The following AHCYL1 variants were observed in gnomAD, a reference collection of about 807,000 sequenced individuals.
The protein encoded by AHCYL1 is S-adenosylhomocysteine hydrolase-like protein 1.
Under a neutral mutation model 79.3 loss-of-function variants are expected in AHCYL1, and 20 were observed. The observed-to-expected ratio is 0.25, with a 90% confidence interval of 0.18 to 0.37. The LOEUF is 0.37. Among genes scored for constraint, AHCYL1 ranks in the 10% least tolerant of loss-of-function variants. The pLI, the probability that AHCYL1 is intolerant of heterozygous loss-of-function variation, is 1.00. For missense variants in AHCYL1, 330 were observed against 673.6 expected (o/e 0.49, Z 5.65); for synonymous variants, 223 against 242.2 (o/e 0.92, Z 0.74).
chr1:109,998,965 A>C (rs1172151152), intron 1 of AHCYL1, among the ~76,000 whole-genome samples: 1 of 152,146 alleles, frequency 6.6e-6, no homozygotes, highest in African/African-American at 2.4e-5. Flanking sequence ...TAGCTAGGGC[A>C]ACATAGTGAA....
At chr1:110,019,806 A>G (rs1326393908) in intron 15 of AHCYL1, among the ~76,000 whole-genome samples, 180 bp downstream of exon 15, 5 of 152,240 alleles carry the variant, frequency 3.3e-5, no homozygotes, top group African/African-American at 7.2e-5. Flanking sequence ...GTAAAATGAA[A>G]ATAATACTAC....
chr1:109,988,021 A>G (rs981725363), intron 1 of AHCYL1, among the ~76,000 whole-genome samples: 5 of 152,230 alleles, frequency 3.3e-5, no homozygotes, highest in Non-Finnish European at 5.9e-5. Flanking sequence ...CACAGAACAT[A>G]TATGTGATAT....
At position 109,984,960 on chromosome 1, in the gene AHCYL1, G is replaced by T. The variant is rs1198100365; in HGVS notation, c.-93G>T. On this transcript the variant is annotated 5_prime_UTR_variant, in exon 1 of 17. Coordinates refer to ENST00000369799, the MANE Select transcript of AHCYL1 (RefSeq NM_006621.7). ...GGCCGGCAGGAGGGTGGGCGATCGC[G>T]TGTCGGAGGGCGCCGCGCGGGCAGG... is the stretch of plus-strand genomic sequence containing the variant. 2.2e-6 allele frequency: 3 copies of T among 1,356,274 alleles called. No individual in the cohort carries two copies. Among genetic ancestry groups the T allele is most frequent in the East Asian group, 6.3e-5 (2 of 31,866 alleles). 84.0% of individuals were successfully genotyped at this position (1,356,274 alleles called of 1,614,324 possible). A position where few individuals can be genotyped will look rare whatever the true frequency, so the allele number is the denominator to read the frequency against.
chr1:109,998,498 G>A (rs987316125), intron 1 of AHCYL1, among the ~76,000 whole-genome samples: 8 of 151,962 alleles, frequency 5.3e-5, no homozygotes, highest in Non-Finnish European at 8.8e-5. Context: ...ATTTTTTTGA[G>A]ACGGAGTTTC....
chr1:110,015,154 G>A (rs1273817707), intron 6 of AHCYL1, among the ~76,000 whole-genome samples: 1 of 152,054 alleles, frequency 6.6e-6, no homozygotes, highest in East Asian at 1.9e-4. Flanking sequence ...CATTCAAAGG[G>A]GCTATATATT....
intron 1 of AHCYL1, 125 bp downstream of exon 1, chr1:109,985,297 G>T (rs950135145): frequency 8.5e-6 from 12 of 1,415,940 alleles, no homozygotes; most frequent in Non-Finnish European, 1.1e-5. Flanking sequence ...GGTGATGTAG[G>T]GGGTGGCGGC....
intron 1 of AHCYL1, among the ~76,000 whole-genome samples, chr1:109,993,913 C>T (rs150200563): frequency 2.8e-4 from 42 of 152,260 alleles, no homozygotes; most frequent in African/African-American, 1.0e-3. Context: ...TGGGGATTAG[C>T]GATGAGTTGA....
In AHCYL1 at chr1:109,986,564, A is replaced by G. The variant is rs117525659; in HGVS notation, c.120+1392A>G. Among the ~76,000 whole-genome samples, 126 of 152,318 alleles carry G rather than the reference A, an allele frequency of 8.3e-4. 2 individuals carry two copies. The East Asian group carries it at 0.024, about 29-fold the overall frequency. ...GCAATCTGCACTATTCTTTGGAGAA[A>G]CAGTCACAGTCCTTATAAGCAGAAT... On this transcript the variant is annotated intron_variant, in intron 1 of 16. Transcript: ENST00000369799.
intron 1 of AHCYL1, among the ~76,000 whole-genome samples, chr1:110,000,290 C>A (rs1055237733): frequency 6.6e-6 from 1 of 152,162 alleles, no homozygotes; most frequent in East Asian, 1.9e-4. Context: ...GAATTAATTT[C>A]TTTTGTCCTA....
intron 1 of AHCYL1, among the ~76,000 whole-genome samples, chr1:109,997,253 A>G (rs1650079159): frequency 6.6e-6 from 1 of 152,222 alleles, no homozygotes; most frequent in African/African-American, 2.4e-5. Context: ...ACTGAGAGTG[A>G]TAGTAAAGTT....
intron 5 of AHCYL1, among the ~76,000 whole-genome samples, chr1:110,013,767 C>T (rs927212647): frequency 2.0e-5 from 3 of 151,002 alleles, no homozygotes; most frequent in Admixed American, 6.6e-5. Flanking sequence ...AGAAAATCAC[C>T]GTGAAGTTTC....
chr1:109,984,863 G>A lies in AHCYL1; in HGVS notation c.-190G>A. 1 of 907,464 alleles carries A rather than the reference G, an allele frequency of 1.1e-6. No homozygotes were observed. The highest frequency in any genetic ancestry group is 1.4e-6 in the Non-Finnish European group (1 of 691,828). 56.2% of individuals were successfully genotyped at this position (907,464 alleles called of 1,614,324 possible). Reference sequence around the variant, plus strand: ...TCTCTTGTGGCCGCCGTCGCTGTCCGGCTGCCTTGGGCTGCCGAACAGACA... The same window carrying A: ...TCTCTTGTGGCCGCCGTCGCTGTCCAGCTGCCTTGGGCTGCCGAACAGACA... On this transcript the variant is annotated 5_prime_UTR_variant, in exon 1 of 17. Transcript: ENST00000369799.
rs1362765797 is a variant in AHCYL1, at chr1:110,022,657, C to G, written c.*977C>G. On this transcript the variant is annotated 3_prime_UTR_variant, in exon 17 of 17. Coordinates refer to ENST00000369799, the MANE Select transcript of AHCYL1 (RefSeq NM_006621.7). ...TTGAGCCATTACTCAGTATAAAGCA[C>G]TGAGTTCTATCTTTAGGATTTATCT... 2 of 152,598 alleles carry G rather than the reference C, an allele frequency of 1.3e-5. No individual in the cohort carries two copies. Among genetic ancestry groups the G allele is most frequent in the African/African-American group, 4.8e-5 (2 of 41,432 alleles). The allele number at this position is 152,598 out of a possible 1,614,324, so 9.5% of individuals were successfully genotyped here.
Position 110,018,470 on chromosome 1 carries a change from A to G in AHCYL1, c.1218+3A>G, listed in dbSNP as rs376113166. The G allele has an allele frequency of 6.2e-7, 1 of 1,614,114 alleles. No individual in the cohort carries two copies. The highest frequency in any genetic ancestry group is 8.5e-7 in the Non-Finnish European group (1 of 1,179,982). ...ACTCCAACACAGAAATCGATGTGGT[A>G]AGGCTTCTCTCATTTGTTGCTAGGC... On this transcript the variant is annotated splice_donor_region_variant and intron_variant, in intron 12 of 16. Coordinates refer to ENST00000369799, the MANE Select transcript of AHCYL1 (RefSeq NM_006621.7).
intron 1 of AHCYL1, among the ~76,000 whole-genome samples, chr1:110,007,226 C>A (rs1192660196): frequency 6.6e-6 from 1 of 152,004 alleles, no homozygotes. Context: ...AAAAGGCGAA[C>A]AGGGGAAGGA....
intron 3 of AHCYL1, 42 bp from the exon 4 acceptor site, chr1:110,012,320 C>G (rs1454640522): frequency 6.4e-7 from 1 of 1,552,168 alleles, no homozygotes; most frequent in African/African-American, 1.4e-5. Flanking sequence ...ACTGATGATA[C>G]TGCTAGTGCA....
intron 1 of AHCYL1, among the ~76,000 whole-genome samples, chr1:109,992,079 G>T (rs189902659): frequency 0.03 from 4,504 of 151,864 alleles, 239 homozygotes; most frequent in African/African-American, 0.1. Context: ...GAAATCTGGG[G>T]GCGGGGGGAA....
chr1:110,019,640 A>C lies in AHCYL1; in HGVS notation c.1465+14A>C. The C allele has an allele frequency of 6.2e-7, 1 of 1,607,268 alleles. No individual in the cohort carries two copies. Among genetic ancestry groups the C allele is most frequent in the Non-Finnish European group, 8.5e-7 (1 of 1,176,882 alleles). ...CTAAGAAAATGGGTGAGTGAAAAAC[A>C]GTGGAAATCTATGCAGACAGCTGCA... On this transcript the variant is annotated intron_variant, in intron 15 of 16. Coordinates refer to ENST00000369799, the MANE Select transcript of AHCYL1 (RefSeq NM_006621.7).
rs1396811554 is a variant in AHCYL1 at position 109,984,990 on chromosome 1, C to T, written c.-63C>T. 1.4e-6 allele frequency: 2 copies of T among 1,388,996 alleles called. No homozygotes were observed. The highest frequency in any genetic ancestry group is 9.3e-7 in the Non-Finnish European group (1 of 1,072,336). The allele number at this position is 1,388,996 out of a possible 1,614,324, so 86.0% of individuals were successfully genotyped here. A position where few individuals can be genotyped will look rare whatever the true frequency, so the allele number is the denominator to read the frequency against. On this transcript the variant is annotated 5_prime_UTR_variant, in exon 1 of 17. Coordinates refer to ENST00000369799, the MANE Select transcript of AHCYL1 (RefSeq NM_006621.7). The stretch of plus-strand genomic sequence containing the variant: ...GGAGGGCGCCGCGCGGGCAGGCGGG[C>T]GGGCGCCAGAGGGGGAAAGAGGCGG...
Sources: allele counts gnomAD v4.1 joint callset (sites outside exome capture counted in the v4.1 genomes callset), GRCh38; gene constraint gnomAD v4.1.1; transcripts MANE v1.5; gene names NCBI Gene and HGNC (gene_info 2026-07-23, HGNC 2026-07-21).